ANKAR: variants seen among roughly 807,000 people sequenced by gnomAD.
ANKAR encodes ankyrin and armadillo repeat containing, also known as ankyrin and armadillo repeat-containing protein.
Under a neutral mutation model 146.2 loss-of-function variants are expected in ANKAR, and 136 were observed. The observed-to-expected ratio is 0.93, with a 90% CI of 0.81 to 1.07. The LOEUF (loss-of-function observed/expected upper bound fraction) is 1.07. Among genes scored for constraint, ANKAR ranks in the 50% least tolerant of loss-of-function variants. The probability of loss-of-function intolerance (pLI) is 0.00; values close to 1 mark genes in which losing one functional copy is unlikely to be tolerated. For synonymous variants in ANKAR, 500 were observed against 575.8 expected (o/e 0.87, Z 1.88); for missense variants, 1,567 against 1,679.9 (o/e 0.93, Z 1.18).
rs150762064 is a variant in ANKAR, at chr2:189,724,030, C to T, written c.2635+3243C>T. Among the ~76,000 whole-genome samples the T allele has an allele frequency of 8.7e-4, 133 of 152,208 alleles. No individual in the cohort carries two copies. In the Middle Eastern group the frequency reaches 0.017, roughly 19 times the overall value. On this transcript the variant is annotated intron_variant, in intron 12 of 22. Coordinates refer to ENST00000684021, the MANE Select transcript of ANKAR (RefSeq NM_001378068.1). Reference sequence around the variant, plus strand: ...AAACAACAAAAAGTGCCAAAAAGAACGTAAACCATGCATTTGCAATGACTC... The same window carrying T: ...AAACAACAAAAAGTGCCAAAAAGAATGTAAACCATGCATTTGCAATGACTC...
chr2:189,738,547 C>A lies in ANKAR; in HGVS notation c.3583-18C>A. The stretch of plus-strand genomic sequence containing the variant: ...GTAGAAAATGTTCAAAGACTCTCTG[C>A]TTCTTTTCTGTTTTCAGATTGTTGT... On this transcript the variant is annotated intron_variant, in intron 18 of 22. Coordinates refer to ENST00000684021, the MANE Select transcript of ANKAR (RefSeq NM_001378068.1). The A allele has an allele frequency of 6.9e-7, 1 of 1,449,508 alleles. No homozygotes were observed. The highest frequency in any genetic ancestry group is 9.5e-7 in the Non-Finnish European group (1 of 1,049,366). The allele number at this position is 1,449,508 out of a possible 1,614,324, so 89.8% of individuals were successfully genotyped here.
intron 18 of ANKAR, chr2:189,754,445 C>A (rs541061401): frequency 1.8e-6 from 2 of 1,109,956 alleles, no homozygotes; most frequent in East Asian, 5.2e-5. Context: ...AACAAAAAAC[C>A]CCTGAATGAA....
chr2:189,762,869 G>A (rs1559181266), downstream of ANKAR: 1 of 985,302 alleles, frequency 1.0e-6, no homozygotes, highest in African/African-American at 1.7e-5. Context: ...GTGAAGAAAA[G>A]CTTAAAGGCC....
chr2:189,696,417 T>C (rs779303504), intron 7 of ANKAR, 48 bp downstream of exon 7: 2 of 1,553,118 alleles, frequency 1.3e-6, no homozygotes, highest in Non-Finnish European at 1.8e-6. Flanking sequence ...TATTTACCCT[T>C]ACTCAGCATT....
intron 10 of ANKAR, among the ~76,000 whole-genome samples, chr2:189,712,019 C>A (rs1574541345): frequency 6.6e-6 from 1 of 152,166 alleles, no homozygotes; most frequent in Non-Finnish European, 1.5e-5. Context: ...GATTGACCTG[C>A]GAGGCAGCAG....
At chr2:189,681,701 T>C (rs1308872186) in intron 2 of ANKAR, among the ~76,000 whole-genome samples, 1 of 152,216 alleles carries the variant, frequency 6.6e-6, no homozygotes, top group Non-Finnish European at 1.5e-5. Flanking sequence ...ATTTACCCTT[T>C]TCTGGATCAT....
intron 13 of ANKAR, 51 bp from the exon 14 acceptor site, chr2:189,728,216 T>C: frequency 6.5e-7 from 1 of 1,535,808 alleles, no homozygotes; most frequent in South Asian, 1.3e-5. Context: ...TATGCATTCC[T>C]AAAATGTTCA....
chr2:189,755,122 T>C (rs778229540), intron 18 of ANKAR: 5 of 1,572,542 alleles, frequency 3.2e-6, no homozygotes, highest in Non-Finnish European at 3.4e-6. Flanking sequence ...TGCTACTTAG[T>C]TGAAATGGAC....
At chr2:189,761,354 C>G (rs2047045423), downstream of ANKAR, 1 of 1,519,474 alleles carries the variant, frequency 6.6e-7, no homozygotes. Context: ...TTATATATGA[C>G]AAATACAAAA....
chr2:189,721,222 G>C (rs2041193907), intron 12 of ANKAR, among the ~76,000 whole-genome samples: 1 of 152,038 alleles, frequency 6.6e-6, no homozygotes, highest in Admixed American at 6.6e-5. Flanking sequence ...TCCTGACCTT[G>C]TGATCTACCC....
chr2:189,729,715 T>TGTGTGTGTGTGGGG (rs61101787), intron 15 of ANKAR, among the ~76,000 whole-genome samples: 2 of 141,486 alleles, frequency 1.4e-5, no homozygotes, highest in Middle Eastern at 3.6e-3. Flanking sequence ...TGTGTGTGTG[T>TGTGTGTGTGTGGGG]GGTGCGGGTG....
chr2:189,713,228 A>G (rs2039952071), intron 10 of ANKAR, among the ~76,000 whole-genome samples: 1 of 152,218 alleles, frequency 6.6e-6, no homozygotes, highest in Admixed American at 6.5e-5. Flanking sequence ...TCCCCAACCT[A>G]GCAAGGAAGG....
chr2:189,688,149 G>A (rs760822306), intron 2 of ANKAR, among the ~76,000 whole-genome samples: 1 of 152,142 alleles, frequency 6.6e-6, no homozygotes, highest in Non-Finnish European at 1.5e-5. Context: ...TATGGTGAGA[G>A]ATAGGGGTCT....
chr2:189,726,147 T>G (rs2041855954), intron 12 of ANKAR, among the ~76,000 whole-genome samples: 1 of 152,176 alleles, frequency 6.6e-6, no homozygotes, highest in Non-Finnish European at 1.5e-5. Context: ...TTGCTAAATC[T>G]TGGGGGCAAA....
At chr2:189,714,505 A>G (rs140469321) in intron 10 of ANKAR, among the ~76,000 whole-genome samples, 1,840 of 152,370 alleles carry the variant, frequency 0.012, 46 homozygotes, top group African/African-American at 0.042. Context: ...CTGCTCCTGA[A>G]TGACTACTGG....
chr2:189,718,696 A>G (rs977395277), intron 10 of ANKAR, among the ~76,000 whole-genome samples: 8 of 151,532 alleles, frequency 5.3e-5, no homozygotes, highest in Non-Finnish European at 5.9e-5. Flanking sequence ...TTATCATTAA[A>G]TTGATGTAAG....
intron 16 of ANKAR, among the ~76,000 whole-genome samples, chr2:189,731,608 G>A (rs147273474): frequency 0.038 from 5,720 of 152,094 alleles, 157 homozygotes; most frequent in African/African-American, 0.067. Context: ...CTGACCTCAA[G>A]TGATCTTCCC....
rs781460891 is a variant in ANKAR at position 189,727,907 on chromosome 2, A to G, written c.2687A>G (p.Asn896Ser). The change falls in exon 13 of 23, where the codon AAT becomes AGT. Residue 896 changes from asparagine to serine, a missense_variant. Physicochemically the swap from Asn to Ser is conservative, Grantham distance 46. Transcript: ENST00000684021. ...GCAATTGCTGAGGTTGGGCGTGACAATAAGGAAATTCAGGATGCTATAGCT... is the reference window on the plus strand; with the variant it reads ...GCAATTGCTGAGGTTGGGCGTGACAGTAAGGAAATTCAGGATGCTATAGCT... The part of the protein sequence containing the change: ...SAAIAEVGRD[N>S]KEIQDAIAME... 2.8e-5 allele frequency: 45 copies of G among 1,614,012 alleles called. No homozygotes were observed. In the South Asian group the frequency reaches 4.7e-4, roughly 17 times the overall value.
chr2:189,738,665 C>G lies in ANKAR; in HGVS notation c.3683C>G (p.Ser1228Cys), dbSNP rs201878307. ...GATAGTCTGTATTCAGTTCAGACTT[C>G]TACTATTGTCTTGACAGGTAAGAAA... ...LVDSLYSVQTSTIVLTGNLIA... is the reference protein window; with the variant it reads ...LVDSLYSVQTCTIVLTGNLIA... The change falls in exon 19 of 23, where the codon TCT (serine) becomes TGT (cysteine). Residue 1228 changes from serine to cysteine, a missense_variant. Physicochemically the swap from Ser to Cys is moderately radical, Grantham distance 112 (BLOSUM62 -1). Transcript: ENST00000684021. 25 of 1,595,564 alleles carry G rather than the reference C, an allele frequency of 1.6e-5. No homozygotes were observed. The highest frequency in any genetic ancestry group is 2.1e-5 in the Non-Finnish European group (25 of 1,168,988).
Sources: allele counts gnomAD v4.1 joint callset (sites outside exome capture counted in the v4.1 genomes callset), GRCh38; gene constraint gnomAD v4.1.1; transcripts MANE v1.5; gene names NCBI Gene and HGNC (gene_info 2026-07-23, HGNC 2026-07-21).